The following ZAR1L variants were observed in gnomAD, a reference collection of about 807,000 sequenced individuals.
ZAR1L encodes the protein zygote arrest 1 like, also known as protein ZAR1-like.
In ZAR1L, 16 loss-of-function variants were observed where a neutral mutation model predicts 30.0. That is an observed-to-expected ratio of 0.53 (90% CI 0.36 to 0.81). The LOEUF (loss-of-function observed/expected upper bound fraction) is 0.81. Among genes scored for constraint, ZAR1L ranks in the 30% least tolerant of loss-of-function variants. The probability of loss-of-function intolerance (pLI) is 0.00; values close to 1 mark genes in which losing one functional copy is unlikely to be tolerated. For synonymous variants in ZAR1L, 197 were observed against 166.8 expected, an observed-to-expected ratio of 1.18 and a Z score of -1.40; for missense variants, 392 against 417.2, an observed-to-expected ratio of 0.94 and a Z score of 0.53.
Position 32,311,966 on chromosome 13 carries a change from GT to G in ZAR1L, c.-42del. 6.7e-7 allele frequency: 1 copy of G among 1,486,630 alleles called. No homozygotes were observed. The highest frequency in any genetic ancestry group is 2.5e-5 in the East Asian group (1 of 40,282). 92.1% of individuals were successfully genotyped at this position (1,486,630 alleles called of 1,614,324 possible). A position where few individuals can be genotyped will look rare whatever the true frequency, so the allele number is the denominator to read the frequency against. On this transcript the variant is annotated 5_prime_UTR_variant, in exon 3 of 6. The change creates a premature stop within an existing upstream ORF in the 5' untranslated region. Coordinates refer to ENST00000533490, the MANE Select transcript of ZAR1L (RefSeq NM_001136571.2). Reference sequence around the variant, plus strand: ...CAGGCGCAGTCTAATATCCTAGCCAGTTTGTTTGGGTCCTTATTTTGCCTTC... The same window carrying G: ...CAGGCGCAGTCTAATATCCTAGCCAGTTGTTTGGGTCCTTATTTTGCCTTC...
Position 32,303,971 on chromosome 13 carries a change from G to A in ZAR1L, c.874C>T (p.Leu292=). The A allele has an allele frequency of 6.4e-7, 1 of 1,552,082 alleles. No homozygotes were observed. Among genetic ancestry groups the A allele is most frequent in the Non-Finnish European group, 8.7e-7 (1 of 1,147,082 alleles). The change falls in exon 6 of 6, where the codon CTA becomes TTA. Residue 292 remains leucine (L), a synonymous_variant. Coordinates refer to ENST00000533490, the MANE Select transcript of ZAR1L (RefSeq NM_001136571.2). The stretch of plus-strand genomic sequence containing the variant: ...AGTTCCTGTCGATGAGGCCTCCTTA[G>A]ATCAATGTGTCTCTTCTTTTGAGGA... ...SCPQKKRHID[L]RRPHRQELCG...
chr13:32,307,764 G>A (rs983636488), intron 5 of ZAR1L, among the ~76,000 whole-genome samples: 1 of 152,030 alleles, frequency 6.6e-6, no homozygotes, highest in Non-Finnish European at 1.5e-5. Context: ...ATTAGAGGAT[G>A]AATCACTTAT....
rs535575731 is a variant in ZAR1L at position 32,313,403 on chromosome 13, G to T, written c.-169+927C>A. On this transcript the variant is annotated intron_variant, in intron 2 of 5. Coordinates refer to ENST00000533490, the MANE Select transcript of ZAR1L (RefSeq NM_001136571.2). ...GTTTGAAATGGAGTTTCCTTGCTCTGTCTCCCAGGCAGGAGTGCAGTGGCA... is the reference window on the plus strand; with the variant it reads ...GTTTGAAATGGAGTTTCCTTGCTCTTTCTCCCAGGCAGGAGTGCAGTGGCA... Among the ~76,000 whole-genome samples, 4 of 152,310 alleles carry T rather than the reference G, an allele frequency of 2.6e-5. No individual in the cohort carries two copies. The South Asian group carries it at 8.3e-4, about 32-fold the overall frequency.
At chr13:32,312,897 C>G (rs921228902) in intron 2 of ZAR1L, among the ~76,000 whole-genome samples, 1 of 152,020 alleles carries the variant, frequency 6.6e-6, no homozygotes. Context: ...AACAAACAAA[C>G]AAAAAACAGG....
Position 32,311,909 on chromosome 13 carries a change from C to T in ZAR1L, c.17G>A (p.Arg6His). ...ACCCTGGTACAAGCCATAGGGAACA[C>T]GGACAAAGCGCTCCATCCGCTCTCA... MERFV[R>H]VPYGLYQGYG... Residue 6 changes from arginine (R) to histidine (H), a missense_variant, in exon 3 of 6, where the codon CGT (arginine) becomes CAT (histidine). Physicochemically the swap from Arg to His is conservative, Grantham distance 29 (BLOSUM62 0). Transcript: ENST00000533490. 1 of 1,549,088 alleles carries T rather than the reference C, an allele frequency of 6.5e-7. No homozygotes were observed. The highest frequency in any genetic ancestry group is 8.7e-7 in the Non-Finnish European group (1 of 1,145,430).
At chr13:32,314,696 T>C (rs1281306397) in intron 1 of ZAR1L, 146 bp from the exon 2 acceptor site, 3 of 152,014 alleles carry the variant, frequency 2.0e-5, no homozygotes, top group African/African-American at 7.3e-5. Context: ...TACTTAAAAA[T>C]GCAAAGTTAG....
chr13:32,304,495 C>T (rs956578277), intron 5 of ZAR1L, among the ~76,000 whole-genome samples: 5 of 152,150 alleles, frequency 3.3e-5, no homozygotes, highest in African/African-American at 1.2e-4. Flanking sequence ...TGTTCTCAAC[C>T]AGGGGTGATT....
chr13:32,311,157 C>CA, intron 3 of ZAR1L, 115 bp downstream of exon 3: 1 of 1,249,366 alleles, frequency 8.0e-7, no homozygotes, highest in Non-Finnish European at 1.1e-6. Flanking sequence ...CCCTCTCCTT[C>CA]ACCAAGTACA....
At chr13:32,307,629 T>C (rs574608614) in intron 5 of ZAR1L, among the ~76,000 whole-genome samples, 3 of 148,448 alleles carry the variant, frequency 2.0e-5, no homozygotes, top group East Asian at 2.0e-4. Flanking sequence ...ATATTGAATA[T>C]TAAAAAAAAT....
intron 2 of ZAR1L, among the ~76,000 whole-genome samples, chr13:32,312,362 A>G (rs1340975548): frequency 1.3e-5 from 2 of 152,240 alleles, no homozygotes; most frequent in African/African-American, 4.8e-5. Flanking sequence ...GGTTCCTTAA[A>G]AAAGTTAATA....
intron 2 of ZAR1L, among the ~76,000 whole-genome samples, chr13:32,312,742 G>C (rs1193956250): frequency 6.6e-6 from 1 of 152,140 alleles, no homozygotes; most frequent in African/African-American, 2.4e-5. Context: ...GCCGGGTATG[G>C]TGGCACGCTC....
In ZAR1L at chr13:32,310,543, A is replaced by AT; in HGVS notation, c.747+95_747+96insA. 3.6e-6 allele frequency: 3 copies of AT among 842,626 alleles called. No homozygotes were observed. The South Asian group carries it at 4.6e-5, about 13-fold the overall frequency. The allele number at this position is 842,626 out of a possible 1,614,324, so 52.2% of individuals were successfully genotyped here. A position where few individuals can be genotyped will look rare whatever the true frequency, so the allele number is the denominator to read the frequency against. On this transcript the variant is annotated intron_variant, in intron 4 of 5. Transcript: ENST00000533490. ...GGGATGCCACCAAGATCAAGACAGG[A>AT]CTATGACAGCCATGCTCCCTCAGGA...
rs184351590 is a variant in ZAR1L at position 32,306,591 on chromosome 13, T to G, written c.822+2095A>C. On this transcript the variant is annotated intron_variant, in intron 5 of 5. Coordinates refer to ENST00000533490, the MANE Select transcript of ZAR1L (RefSeq NM_001136571.2). ...ATCCTTAAAGGGCAGAAAGAAGTAT[T>G]TCCAACCTAGAAATTCTATATATAC... Among the ~76,000 whole-genome samples, 622 of 152,288 alleles carry G rather than the reference T, an allele frequency of 4.1e-3. 2 individuals are homozygous for G. Among genetic ancestry groups the G allele is most frequent in the African/African-American group, 0.014 (602 of 41,554 alleles).
chr13:32,305,036 C>T (rs973162516), intron 5 of ZAR1L, among the ~76,000 whole-genome samples: 9 of 151,882 alleles, frequency 5.9e-5, no homozygotes, highest in African/African-American at 2.2e-4. Flanking sequence ...GTCTTGAACT[C>T]CTGACCTGAG....
At chr13:32,313,332 C>G (rs2072227332) in intron 2 of ZAR1L, among the ~76,000 whole-genome samples, 1 of 152,136 alleles carries the variant, frequency 6.6e-6, no homozygotes, top group African/African-American at 2.4e-5. Context: ...TAAATATATA[C>G]AACTTTTAGG....
chr13:32,313,395 C>T (rs909552520), intron 2 of ZAR1L, among the ~76,000 whole-genome samples: 3 of 152,152 alleles, frequency 2.0e-5, no homozygotes, highest in Non-Finnish European at 2.9e-5. Context: ...ATGGAGTTTC[C>T]TTGCTCTGTC....
In ZAR1L at chr13:32,308,671, G is replaced by A; in HGVS notation, c.822+15C>T. 6.5e-7 allele frequency: 1 copy of A among 1,538,820 alleles called. No individual in the cohort carries two copies. Reference sequence around the variant, plus strand: ...AATGAAACATAGACACAATGGAAGTGTTCCATATGCTCACCTGACATTGGA... The same window carrying A: ...AATGAAACATAGACACAATGGAAGTATTCCATATGCTCACCTGACATTGGA... On this transcript the variant is annotated intron_variant, in intron 5 of 5. Coordinates refer to ENST00000533490, the MANE Select transcript of ZAR1L (RefSeq NM_001136571.2).
At chr13:32,307,843 C>T (rs890207776) in intron 5 of ZAR1L, among the ~76,000 whole-genome samples, 2 of 152,036 alleles carry the variant, frequency 1.3e-5, no homozygotes, top group Admixed American at 1.3e-4. Flanking sequence ...TGCTCTGTTG[C>T]CCAGGCTGGA....
At chr13:32,311,241 G>C in intron 3 of ZAR1L, 31 bp downstream of exon 3, 1 of 1,518,362 alleles carries the variant, frequency 6.6e-7, no homozygotes, top group African/African-American at 1.4e-5. Context: ...GAGGCTGGTC[G>C]AGGACTAAGA....
Sources: gnomAD v4.1 joint callset for allele counts (sites outside exome capture counted in the v4.1 genomes callset) on GRCh38, gnomAD v4.1.1 for gene constraint, MANE v1.5 for transcripts, NCBI Gene and HGNC (gene_info 2026-07-23, HGNC 2026-07-21) for gene names.